ERICH3: variants seen among roughly 807,000 people sequenced by gnomAD.
ERICH3 encodes the protein glutamate rich 3, also known as glutamate-rich protein 3.
ERICH3 carries 126 observed loss-of-function variants against 131.1 expected under a neutral mutation model. That is an observed-to-expected ratio of 0.96 (90% confidence interval 0.83 to 1.11). The LOEUF (loss-of-function observed/expected upper bound fraction) is 1.11. Among genes scored for constraint, ERICH3 ranks in the 50% most tolerant of loss-of-function variants. The pLI is 0.00. For synonymous variants in ERICH3, 695 were observed against 644.6 expected (o/e 1.08, Z -1.18); for missense variants, 2,050 against 1,810.7 (o/e 1.13, Z -2.40).
At chr1:74,588,625 C>T (rs1365344770) in intron 12 of ERICH3, among the ~76,000 whole-genome samples, 3 of 152,020 alleles carry the variant, frequency 2.0e-5, no homozygotes, top group Admixed American at 1.3e-4. Context: ...AGAATGGCTC[C>T]TGCATTGACA....
chr1:74,576,703 T>C lies in ERICH3; in HGVS notation c.2218+192A>G, dbSNP rs761323329. Among the ~76,000 whole-genome samples, 46 of 152,048 alleles carry C rather than the reference T, an allele frequency of 3.0e-4. 1 individual carries two copies. Among genetic ancestry groups the C allele is most frequent in the Non-Finnish European group, 1.6e-4 (11 of 67,982 alleles). The stretch of plus-strand genomic sequence containing the variant: ...AATTGAAGGTGGGATAATGTGACCA[T>C]ATGATGAATAAATGAATACCTTTTC... On this transcript the variant is annotated intron_variant, in intron 13 of 14. Transcript: ENST00000326665.
chr1:74,571,558 T>C lies in ERICH3; in HGVS notation c.4152A>G (p.Glu1384=), dbSNP rs1355327298. 1.4e-5 allele frequency: 22 copies of C among 1,614,082 alleles called. No individual in the cohort carries two copies. Among genetic ancestry groups the C allele is most frequent in the Non-Finnish European group, 1.6e-5 (19 of 1,180,022 alleles). The change falls in exon 14 of 15, where the codon GAA becomes GAG. Residue 1384 remains glutamate, a synonymous_variant. Coordinates refer to ENST00000326665, the MANE Select transcript of ERICH3 (RefSeq NM_001002912.5). The part of the protein sequence containing the change: ...KASSFSDVAE[E]ETWHQQDELV... ...ACTCATCCTGTTGGTGCCAGGTTTC[T>C]TCCTCAGCAACATCTGAAAAGGAGG...
Position 74,636,264 on chromosome 1 carries a change from T to C in ERICH3, c.603+16A>G, listed in dbSNP as rs769840682. 2 of 1,564,618 alleles carry C rather than the reference T, an allele frequency of 1.3e-6. No individual in the cohort carries two copies. Among genetic ancestry groups the C allele is most frequent in the Non-Finnish European group, 1.7e-6 (2 of 1,157,308 alleles). ...TCAAAAATTAAAATATATTTATTGA[T>C]AAAAATAACATTTACCCCAATGGGA... On this transcript the variant is annotated intron_variant, in intron 6 of 14. Transcript: ENST00000326665.
At chr1:74,584,604 C>T (rs1647249471) in intron 12 of ERICH3, among the ~76,000 whole-genome samples, 1 of 152,122 alleles carries the variant, frequency 6.6e-6, no homozygotes, top group African/African-American at 2.4e-5. Flanking sequence ...AGAGGCCATC[C>T]CAAAAATACT....
intron 6 of ERICH3, among the ~76,000 whole-genome samples, chr1:74,634,506 A>C (rs1646369764): frequency 6.6e-6 from 1 of 152,106 alleles, no homozygotes; most frequent in South Asian, 2.1e-4. Flanking sequence ...CCAGTGGCTC[A>C]GAACAGATTT....
At chr1:74,597,749 A>G (rs558382561) in intron 11 of ERICH3, among the ~76,000 whole-genome samples, 1 of 152,032 alleles carries the variant, frequency 6.6e-6, no homozygotes, top group African/African-American at 2.4e-5. Context: ...TACACCATAT[A>G]AAAAAATCAA....
intron 1 of ERICH3, among the ~76,000 whole-genome samples, chr1:74,663,210 G>A (rs182657010): frequency 3.9e-4 from 60 of 152,180 alleles, no homozygotes; most frequent in African/African-American, 1.4e-3. Flanking sequence ...CATATACTAT[G>A]TGTCAGGCCC....
At position 74,573,397 on chromosome 1, in the gene ERICH3, C is replaced by A; in HGVS notation, c.2313G>T (p.Lys771Asn). 1 of 1,606,438 alleles carries A rather than the reference C, an allele frequency of 6.2e-7. No individual in the cohort carries two copies. Among genetic ancestry groups the A allele is most frequent in the Non-Finnish European group, 8.5e-7 (1 of 1,177,284 alleles). The change falls in exon 14 of 15, where the codon AAG (lysine) becomes AAT (asparagine). Residue 771 changes from lysine to asparagine, a missense_variant. Physicochemically the swap from Lys to Asn is moderately conservative, Grantham distance 94. Coordinates refer to ENST00000326665, the MANE Select transcript of ERICH3 (RefSeq NM_001002912.5). ...CTTCATCTTCCTCCATTGCTTCTTT[C>A]TTCTCCAGTGTATACGTTTTTTGCA... The part of the protein sequence containing the change: ...QLVQKTYTLE[K>N]KEAMEEDEAP...
intron 12 of ERICH3, among the ~76,000 whole-genome samples, chr1:74,584,687 A>AC (rs1647252268): frequency 6.6e-6 from 1 of 151,974 alleles, no homozygotes; most frequent in Admixed American, 6.6e-5. Context: ...TAGCCCAGAT[A>AC]CCCCATCACA....
chr1:74,581,901 C>A (rs1162371410), intron 12 of ERICH3, among the ~76,000 whole-genome samples: 1 of 152,098 alleles, frequency 6.6e-6, no homozygotes, highest in Non-Finnish European at 1.5e-5. Flanking sequence ...GACCAAAGAG[C>A]TAGAGGAGAA....
chr1:74,572,333 G>A lies in ERICH3; in HGVS notation c.3377C>T (p.Ala1126Val). 1 of 1,613,698 alleles carries A rather than the reference G, an allele frequency of 6.2e-7. No homozygotes were observed. The highest frequency in any genetic ancestry group is 8.5e-7 in the Non-Finnish European group (1 of 1,179,984). ...AGCCTCCACAGGTGCTTCGTTCTCAGCATCAGATCCCATTTCATTTGGGGG... is the reference window on the plus strand; with the variant it reads ...AGCCTCCACAGGTGCTTCGTTCTCAACATCAGATCCCATTTCATTTGGGGG... ...KAPPNEMGSD[A>V]ENEAPVEASE... The change falls in exon 14 of 15, where the codon GCT becomes GTT. Residue 1126 changes from alanine to valine, a missense_variant. Physicochemically the swap from Ala to Val is moderately conservative, Grantham distance 64. Coordinates refer to ENST00000326665, the MANE Select transcript of ERICH3 (RefSeq NM_001002912.5).
chr1:74,573,582 G>T, intron 13 of ERICH3, 91 bp from the exon 14 acceptor site: 1 of 1,327,170 alleles, frequency 7.5e-7, no homozygotes, highest in Non-Finnish European at 9.7e-7. Context: ...TATTTACAGT[G>T]TGAGATATTT....
chr1:74,669,423 C>G (rs1255459376), intron 1 of ERICH3, among the ~76,000 whole-genome samples: 1 of 152,050 alleles, frequency 6.6e-6, no homozygotes, highest in Non-Finnish European at 1.5e-5. Flanking sequence ...CACAGAAAGC[C>G]AACTTGAGCC....
intron 8 of ERICH3, among the ~76,000 whole-genome samples, chr1:74,620,142 C>G (rs1446043311): frequency 6.6e-6 from 1 of 152,182 alleles, no homozygotes; most frequent in Non-Finnish European, 1.5e-5. Context: ...CTCCCTTGAA[C>G]TAAATATTGA....
chr1:74,646,109 C>T (rs1646480373), intron 3 of ERICH3, among the ~76,000 whole-genome samples: 2 of 151,996 alleles, frequency 1.3e-5, no homozygotes, highest in African/African-American at 4.8e-5. Context: ...GTTGTTGATG[C>T]TTGGTTTGTG....
At position 74,589,986 on chromosome 1, in the gene ERICH3, A is replaced by G. The variant is rs1402631662; in HGVS notation, c.1821T>C (p.Thr607=). ...TGGCACTTTCATCTGTGCTGCTGTC[A>G]GTGTGGGCTTCCCTGTCCCCCACTG... ...ESAVGDREAH[T]DSSTDESARR... Residue 607 remains threonine (T), a synonymous_variant, in exon 12 of 15, where the codon ACT becomes ACC. Coordinates refer to ENST00000326665, the MANE Select transcript of ERICH3 (RefSeq NM_001002912.5). 3.1e-6 allele frequency: 5 copies of G among 1,613,884 alleles called. No homozygotes were observed. Among genetic ancestry groups the G allele is most frequent in the Admixed American group, 1.7e-5 (1 of 59,978 alleles).
chr1:74,620,926 A>G lies in ERICH3; in HGVS notation c.820-12T>C, dbSNP rs1649193367. 2 of 1,538,160 alleles carry G rather than the reference A, an allele frequency of 1.3e-6. No homozygotes were observed. The highest frequency in any genetic ancestry group is 1.8e-6 in the Non-Finnish European group (2 of 1,140,604). ...ATCCTTCTTGAATCCTGAAATAAAC[A>G]GAAAAATGAGGCTTATTAACGAATT... On this transcript the variant is annotated splice_polypyrimidine_tract_variant and intron_variant, in intron 7 of 14. Coordinates refer to ENST00000326665, the MANE Select transcript of ERICH3 (RefSeq NM_001002912.5).
chr1:74,577,580 T>G (rs1647089875), intron 12 of ERICH3: 1 of 152,180 alleles, frequency 6.6e-6, no homozygotes, highest in South Asian at 2.1e-4. Context: ...TCAATTTAAG[T>G]GCATTTACAT....
At chr1:74,577,509 G>C (rs796908740) in intron 12 of ERICH3, 9 of 152,178 alleles carry the variant, frequency 5.9e-5, no homozygotes, top group African/African-American at 1.9e-4. Flanking sequence ...AATATCAAAA[G>C]GTATAAAAAC....
Sources: gnomAD v4.1 joint callset for allele counts (sites outside exome capture counted in the v4.1 genomes callset) on GRCh38, gnomAD v4.1.1 for gene constraint, MANE v1.5 for transcripts, NCBI Gene and HGNC (gene_info 2026-07-23, HGNC 2026-07-21) for gene names.